Variants in FER1L6 observed in about 807,000 individuals in gnomAD.
FER1L6 encodes the protein fer-1 like family member 6, also known as fer-1-like protein 6.
A neutral mutation model predicts 219.2 loss-of-function variants in FER1L6; 177 were observed. The observed-to-expected ratio is 0.81, with a 90% CI of 0.71 to 0.91. The LOEUF (loss-of-function observed/expected upper bound fraction) is 0.91. FER1L6 is among the 40% of genes least tolerant of loss of function. FER1L6 has a pLI of 0.00. For synonymous variants in FER1L6, 768 were observed against 824.3 expected, an observed-to-expected ratio of 0.93 and a Z score of 1.17; for missense variants, 2,153 against 2,259.9, an observed-to-expected ratio of 0.95 and a Z score of 0.96.
intron 12 of FER1L6, among the ~76,000 whole-genome samples, chr8:123,993,715 A>G (rs1816978855): frequency 6.6e-6 from 1 of 152,132 alleles, no homozygotes; most frequent in Non-Finnish European, 1.5e-5. Context: ...GCCAAACTAC[A>G]GTGAATGTTG....
At chr8:123,941,860 G>T (rs1814256057) in intron 1 of FER1L6, among the ~76,000 whole-genome samples, 1 of 152,106 alleles carries the variant, frequency 6.6e-6, no homozygotes, top group South Asian at 2.1e-4. Flanking sequence ...TGGATTAGGG[G>T]TTCCAGCTCT....
chr8:123,980,866 G>T lies in FER1L6; in HGVS notation c.1410+55G>T, dbSNP rs529243460. The T allele has an allele frequency of 4.9e-6, 7 of 1,418,244 alleles. No homozygotes were observed. In the Admixed American group the frequency reaches 1.1e-4, roughly 21 times the overall value. 87.9% of individuals were successfully genotyped at this position (1,418,244 alleles called of 1,614,324 possible). A position where few individuals can be genotyped will look rare whatever the true frequency, so the allele number is the denominator to read the frequency against. The stretch of plus-strand genomic sequence containing the variant: ...TACCTATGAGGTGAACCAGAGCAGG[G>T]ACTGCCCCTGCCACAGGTTCCTGAA... On this transcript the variant is annotated intron_variant, in intron 11 of 40. Transcript: ENST00000522917.
Position 123,977,467 on chromosome 8 carries a change from G to T in FER1L6, c.921G>T (p.Gln307His). 3 of 1,614,152 alleles carry T rather than the reference G, an allele frequency of 1.9e-6. No individual in the cohort carries two copies. Among genetic ancestry groups the T allele is most frequent in the Non-Finnish European group, 2.5e-6 (3 of 1,180,016 alleles). Residue 307 changes from glutamine (Q) to histidine (H), a missense_variant, in exon 10 of 41, where the codon CAG (glutamine) becomes CAT (histidine). Gln to His is a conservative substitution (Grantham distance 24, BLOSUM62 0). Coordinates refer to ENST00000522917, the MANE Select transcript of FER1L6 (RefSeq NM_001039112.2). The stretch of plus-strand genomic sequence containing the variant: ...GTGCTGATCCTGTGTGGCATGAACA[G>T]GTGATCTTCAAGGAAATGTTCCCTC... ...KNCADPVWHEQVIFKEMFPPL... is the reference protein window; with the variant it reads ...KNCADPVWHEHVIFKEMFPPL...
intron 33 of FER1L6, among the ~76,000 whole-genome samples, chr8:124,086,500 C>T (rs1193716292): frequency 6.7e-6 from 1 of 149,846 alleles, no homozygotes; most frequent in Non-Finnish European, 1.5e-5. Flanking sequence ...TTCACTTCAT[C>T]TCCCTGCTTT....
At chr8:124,015,565 T>G (rs1350049510) in intron 15 of FER1L6, among the ~76,000 whole-genome samples, 3 of 74,490 alleles carry the variant, frequency 4.0e-5, no homozygotes, top group Non-Finnish European at 8.1e-5. Context: ...TTTTTCATTA[T>G]AAAAGCTATA....
intron 1 of FER1L6, among the ~76,000 whole-genome samples, chr8:123,887,474 C>G (rs1817225411): frequency 6.6e-6 from 1 of 152,134 alleles, no homozygotes; most frequent in South Asian, 2.1e-4. Flanking sequence ...CACAGCTGGC[C>G]CCAACTGCAT....
intron 1 of FER1L6, among the ~76,000 whole-genome samples, chr8:123,911,958 G>A (rs190445485): frequency 6.6e-6 from 1 of 152,120 alleles, no homozygotes; most frequent in Non-Finnish European, 1.5e-5. Flanking sequence ...GCACACCCTG[G>A]TTTTATGGTA....
At chr8:124,023,716 C>T in intron 18 of FER1L6, 120 bp downstream of exon 18, 1 of 993,870 alleles carries the variant, frequency 1.0e-6, no homozygotes, top group Non-Finnish European at 1.4e-6. Flanking sequence ...GGTAGGAGGA[C>T]AACTAGAACA....
intron 12 of FER1L6, among the ~76,000 whole-genome samples, chr8:124,000,110 C>T (rs4480108): frequency 0.054 from 8,297 of 152,242 alleles, 522 homozygotes; most frequent in African/African-American, 0.15. Context: ...CCTTGGGTGA[C>T]GGCTGAGTTC....
chr8:123,928,866 C>T (rs1269765104), intron 1 of FER1L6, among the ~76,000 whole-genome samples: 1 of 152,186 alleles, frequency 6.6e-6, no homozygotes, highest in Non-Finnish European at 1.5e-5. Flanking sequence ...TCATCATTTA[C>T]TTAAACTGAT....
At chr8:124,022,825 AAGT>A (rs34677212) in intron 17 of FER1L6, among the ~76,000 whole-genome samples, 75,189 of 151,868 alleles carry the variant, frequency 0.5, 19,176 homozygotes, top group Non-Finnish European at 0.57. Flanking sequence ...CAGATGAGAA[AAGT>A]AGGCTACCAA....
intron 1 of FER1L6, among the ~76,000 whole-genome samples, chr8:123,886,955 C>A (rs1250018770): frequency 6.6e-6 from 1 of 152,014 alleles, no homozygotes; most frequent in East Asian, 1.9e-4. Context: ...TAGAAAGGGA[C>A]CCTTCTGGTC....
In FER1L6 at chr8:123,975,162, G is replaced by A. The variant is rs1471672775; in HGVS notation, c.539G>A (p.Cys180Tyr). 1 of 1,603,536 alleles carries A rather than the reference G, an allele frequency of 6.2e-7. No individual in the cohort carries two copies. Among genetic ancestry groups the A allele is most frequent in the Admixed American group, 1.7e-5 (1 of 59,436 alleles). The part of the protein sequence containing the change: ...TVYNQPGHQF[C>Y]NKWALLTDPG... ...GGTGCTTTCACAGGTCATCAGTTCT[G>A]CAACAAGTGGGCCCTGCTCACAGAC... is the stretch of plus-strand genomic sequence containing the variant. The change falls in exon 8 of 41, where the codon TGC becomes TAC. Residue 180 changes from cysteine (C) to tyrosine (Y), a missense_variant. Physicochemically the swap from Cys to Tyr is radical, Grantham distance 194. Coordinates refer to ENST00000522917, the MANE Select transcript of FER1L6 (RefSeq NM_001039112.2).
chr8:123,936,331 C>G (rs546152776), intron 1 of FER1L6, among the ~76,000 whole-genome samples: 1 of 152,114 alleles, frequency 6.6e-6, no homozygotes, highest in Non-Finnish European at 1.5e-5. Context: ...GATTCCTCCC[C>G]GACAGTGTGG....
chr8:123,868,759 C>T (rs1012074436), intron 1 of FER1L6, among the ~76,000 whole-genome samples: 2 of 152,174 alleles, frequency 1.3e-5, no homozygotes, highest in Non-Finnish European at 2.9e-5. Flanking sequence ...AACTTCAGGA[C>T]ATCAAGGTAA....
At position 124,066,510 on chromosome 8, in the gene FER1L6, G is replaced by C; in HGVS notation, c.3638G>C (p.Trp1213Ser). Residue 1213 changes from tryptophan (W) to serine (S), a missense_variant, in exon 27 of 41, where the codon TGG becomes TCG. Physicochemically the swap from Trp to Ser is radical, Grantham distance 177 (BLOSUM62 -3). Coordinates refer to ENST00000522917, the MANE Select transcript of FER1L6 (RefSeq NM_001039112.2). ...GAATCTGCTGAAAACGTGATTGACT[G>C]GTGGTCTAAGTATTATGCCTCCCTG... ...ADESAENVID[W>S]WSKYYASLKK... 2 of 1,614,054 alleles carry C rather than the reference G, an allele frequency of 1.2e-6. No homozygotes were observed. Among genetic ancestry groups the C allele is most frequent in the Non-Finnish European group, 1.7e-6 (2 of 1,179,946 alleles).
At chr8:123,905,842 TA>T (rs2129750096) in intron 1 of FER1L6, among the ~76,000 whole-genome samples, 1 of 152,360 alleles carries the variant, frequency 6.6e-6, no homozygotes, top group Admixed American at 6.5e-5. Flanking sequence ...TTATTTTTTC[TA>T]AGTTGTACAT....
chr8:124,073,330 T>A lies in FER1L6; in HGVS notation c.4092+1699T>A, dbSNP rs984936966. 9.2e-5 allele frequency among the ~76,000 whole-genome samples: 14 copies of A among 152,286 alleles called. No homozygotes were observed. The South Asian group carries it at 1.0e-3, about 11-fold the overall frequency. ...GGGGACGGAGGCCTTGGGCTGGAAC[T>A]TGACGACAGGAGGGACTTGAACAAA... On this transcript the variant is annotated intron_variant, in intron 31 of 40. Transcript: ENST00000522917.
chr8:124,007,260 A>G (rs1817699523), intron 13 of FER1L6, among the ~76,000 whole-genome samples: 1 of 151,954 alleles, frequency 6.6e-6, no homozygotes, highest in Admixed American at 6.6e-5. Context: ...GAATGAAAAC[A>G]AATGTCTCTC....
Sources: allele counts gnomAD v4.1 joint callset (sites outside exome capture counted in the v4.1 genomes callset), GRCh38; gene constraint gnomAD v4.1.1; transcripts MANE v1.5; gene names NCBI Gene and HGNC (gene_info 2026-07-23, HGNC 2026-07-21).